The following RAB38 variants were observed in gnomAD, a reference collection of about 807,000 sequenced individuals.
RAB38 encodes the protein ras-related protein Rab-38.
In RAB38, 15 loss-of-function variants were observed where a neutral mutation model predicts 18.4. The ratio of observed to expected loss-of-function variants is 0.82; its 90% CI spans 0.55 to 1.26. RAB38 has a LOEUF of 1.26. Among genes scored for constraint, RAB38 ranks in the 50% most tolerant of loss-of-function variants. RAB38 has a pLI of 0.00. For synonymous variants in RAB38, 101 were observed against 104.4 expected (o/e 0.97, Z 0.20); for missense variants, 294 against 267.4 (o/e 1.10, Z -0.69).
chr11:87,807,336 C>G, the RAB38 span, among the ~76,000 whole-genome samples: 1 of 152,174 alleles, frequency 6.6e-6, no homozygotes, highest in African/African-American at 2.4e-5. Flanking sequence ...TGACCTAATA[C>G]AAGGAGTAAC....
the RAB38 span, among the ~76,000 whole-genome samples, chr11:87,867,619 T>C: frequency 1.1e-3 from 162 of 151,826 alleles, no homozygotes; most frequent in African/African-American, 3.7e-3. Flanking sequence ...ATTGGGAGAT[T>C]TGGTAATAAC....
chr11:87,976,562 A>G, the RAB38 span, among the ~76,000 whole-genome samples: 1 of 120,710 alleles, frequency 8.3e-6, no homozygotes, highest in African/African-American at 3.2e-5. Flanking sequence ...ATACTTATAT[A>G]ACTATACAAT....
At chr11:88,111,921 TC>T (rs1236416108), downstream of RAB38, among the ~76,000 whole-genome samples, 1 of 152,216 alleles carries the variant, frequency 6.6e-6, no homozygotes, top group Non-Finnish European at 1.5e-5. Context: ...GGATCTCTTC[TC>T]CAGTATTTTG....
chr11:87,829,650 T>G, the RAB38 span, among the ~76,000 whole-genome samples: 1 of 152,082 alleles, frequency 6.6e-6, no homozygotes, highest in African/African-American at 2.4e-5. Flanking sequence ...CAGTATGAGA[T>G]TTGGGTGGAG....
intron 1 of RAB38, chr11:88,174,135 C>A: frequency 2.1e-6 from 2 of 964,624 alleles, no homozygotes; most frequent in Non-Finnish European, 2.5e-6. Flanking sequence ...AGATCCTTGA[C>A]CCTTGCCCAA....
chr11:88,085,135 A>G, the RAB38 span, among the ~76,000 whole-genome samples: 1 of 151,938 alleles, frequency 6.6e-6, no homozygotes, highest in Admixed American at 6.6e-5. Flanking sequence ...TTAGATAAAA[A>G]GAAGACTGTC....
the RAB38 span, chr11:87,816,935 C>T: frequency 6.6e-6 from 1 of 152,086 alleles, no homozygotes; most frequent in Non-Finnish European, 1.5e-5. Flanking sequence ...TGTGCTAGAA[C>T]AATAACAGCA....
chr11:87,939,373 C>G, the RAB38 span, among the ~76,000 whole-genome samples: 1 of 113,816 alleles, frequency 8.8e-6, no homozygotes, highest in Non-Finnish European at 1.8e-5. Flanking sequence ...GTAACACACA[C>G]ATACATACAC....
chr11:88,089,791 T>G, the RAB38 span, among the ~76,000 whole-genome samples: 1 of 151,978 alleles, frequency 6.6e-6, no homozygotes, highest in Non-Finnish European at 1.5e-5. Flanking sequence ...AAGATTTACC[T>G]CATTTTCATC....
At chr11:88,111,633 T>C (rs368338417), downstream of RAB38, among the ~76,000 whole-genome samples, 57 of 152,342 alleles carry the variant, frequency 3.7e-4, 1 homozygote, top group African/African-American at 1.1e-3. Context: ...GAACCAAATA[T>C]GCCAGCACCA....
chr11:88,023,662 T>C, the RAB38 span, among the ~76,000 whole-genome samples: 1 of 151,908 alleles, frequency 6.6e-6, no homozygotes, highest in Non-Finnish European at 1.5e-5. Context: ...TACAGAGCTA[T>C]ACCAAAACAG....
the RAB38 span, among the ~76,000 whole-genome samples, chr11:88,082,112 G>A: frequency 2.0e-5 from 3 of 151,886 alleles, no homozygotes; most frequent in Non-Finnish European, 4.4e-5. Flanking sequence ...ATGAGAGATG[G>A]AAATTGACAC....
chr11:87,950,134 C>T, the RAB38 span, among the ~76,000 whole-genome samples: 1 of 152,168 alleles, frequency 6.6e-6, no homozygotes, highest in African/African-American at 2.4e-5. Flanking sequence ...GATCCCTTTA[C>T]CATTATGTAA....
the RAB38 span, among the ~76,000 whole-genome samples, chr11:87,921,352 C>T: frequency 1.3e-5 from 2 of 151,820 alleles, no homozygotes; most frequent in Admixed American, 6.6e-5. Flanking sequence ...GGGTAAACAG[C>T]CAATACACTA....
chr11:88,076,694 T>G, the RAB38 span, among the ~76,000 whole-genome samples: 2 of 151,622 alleles, frequency 1.3e-5, no homozygotes, highest in African/African-American at 4.8e-5. Context: ...GGCTCACGCC[T>G]GCAATCCCAG....
At chr11:88,026,195 C>T in the RAB38 span, among the ~76,000 whole-genome samples, 4 of 151,794 alleles carry the variant, frequency 2.6e-5, no homozygotes, top group South Asian at 2.1e-4. Flanking sequence ...AAACTCCTGA[C>T]AAAATTAAAG....
At chr11:87,838,146 G>T in the RAB38 span, among the ~76,000 whole-genome samples, 1 of 150,050 alleles carries the variant, frequency 6.7e-6, no homozygotes, top group Non-Finnish European at 1.5e-5. Flanking sequence ...ATGGAGTCTC[G>T]CTCTGTCTCC....
the RAB38 span, among the ~76,000 whole-genome samples, chr11:87,906,078 T>C: frequency 6.6e-6 from 1 of 151,994 alleles, no homozygotes; most frequent in East Asian, 1.9e-4. Context: ...GGTTGTGTTC[T>C]GAAAATATAT....
the RAB38 span, among the ~76,000 whole-genome samples, chr11:88,005,753 C>G: frequency 1.3e-5 from 2 of 151,390 alleles, no homozygotes; most frequent in South Asian, 2.1e-4. Context: ...TTCTTTAATA[C>G]ATTTTTAGTA....
Sources: gnomAD v4.1 joint callset for allele counts (sites outside exome capture counted in the v4.1 genomes callset) on GRCh38, gnomAD v4.1.1 for gene constraint, MANE v1.5 for transcripts, NCBI Gene and HGNC (gene_info 2026-07-23, HGNC 2026-07-21) for gene names.